Variants in ATG9B observed in about 807,000 individuals in gnomAD.
ATG9B encodes the protein autophagy-related protein 9B.
A neutral mutation model predicts 92.9 loss-of-function variants in ATG9B; 92 were observed. The ratio of observed to expected loss-of-function variants is 0.99; its 90% CI spans 0.84 to 1.18. The LOEUF is 1.18. ATG9B is among the 50% of genes most tolerant of loss of function. ATG9B has a pLI of 0.00. For synonymous variants in ATG9B, 599 were observed against 551.4 expected, an observed-to-expected ratio of 1.09 and a Z score of -1.21; for missense variants, 1,344 against 1,235.0, an observed-to-expected ratio of 1.09 and a Z score of -1.32.
In ATG9B at chr7:151,016,838, A is replaced by AG. The variant is rs1795511896; in HGVS notation, c.2290-18dup. ...GGCCTCAGGCTGGGTGCAAGAGGAG[A>AG]GGGAAAGCCAAAGAGGGAGTCAGAA... On this transcript the variant is annotated splice_polypyrimidine_tract_variant and intron_variant, in intron 9 of 13. Transcript: ENST00000639579. 3.8e-6 allele frequency: 6 copies of AG among 1,592,632 alleles called. No homozygotes were observed. In the South Asian group the frequency reaches 6.9e-5, roughly 18 times the overall value.
intron 4 of ATG9B, 30 bp downstream of exon 4, chr7:151,023,014 AC>A (rs540648802): frequency 1.5e-4 from 238 of 1,613,382 alleles, no homozygotes; most frequent in East Asian, 1.4e-3. Flanking sequence ...CCCATGCTTC[AC>A]CCCCAGGGCC....
In ATG9B at chr7:151,024,299, C is replaced by A; in HGVS notation, c.125G>T (p.Gly42Val). ...LPPPPPPSCR[G>V]PGGGRISIFS... The stretch of plus-strand genomic sequence containing the variant: ...GATGGAGATCCTCCCTCCCCCAGGT[C>A]CCCGGCATGAAGGAGGAGGAGGAGG... Residue 42 changes from glycine (G) to valine (V), a missense_variant, in exon 1 of 14, where the codon GGA (glycine) becomes GTA (valine). Gly to Val is a moderately radical substitution (Grantham distance 109). Transcript: ENST00000639579. The A allele has an allele frequency of 7.0e-7, 1 of 1,426,328 alleles. No individual in the cohort carries two copies. The allele number at this position is 1,426,328 out of a possible 1,614,324, so 88.4% of individuals were successfully genotyped here.
intron 1 of ATG9B, 64 bp from the exon 2 acceptor site, chr7:151,023,794 C>T (rs1400082978): frequency 9.3e-6 from 15 of 1,612,698 alleles, no homozygotes; most frequent in Non-Finnish European, 9.3e-6. Flanking sequence ...TCTCAACCCG[C>T]TGCCAGAGGC....
rs780325907 is a variant in ATG9B at position 151,018,349 on chromosome 7, G to A, written c.1817C>T (p.Pro606Leu). ...HMHYLPEEPG[P>L]GGRDRAYRQM... ...CCGGTAGGCGCGGTCCCTGCCGCCG[G>A]GGCCGGGCTCCTCCGGGAGGTAGTG... Residue 606 changes from proline to leucine, a missense_variant, in exon 7 of 14, where the codon CCC (proline) becomes CTC (leucine). Physicochemically the swap from Pro to Leu is moderately conservative, Grantham distance 98 (BLOSUM62 -3). Coordinates refer to ENST00000639579, the MANE Select transcript of ATG9B (RefSeq NM_001317056.2). The surrounding 1 kb of genome is among the most constrained non-coding windows in gnomAD (Gnocchi z 4.7). The A allele has an allele frequency of 7.8e-5, 125 of 1,597,832 alleles. No individual in the cohort carries two copies. The highest frequency in any genetic ancestry group is 1.0e-4 in the Non-Finnish European group (120 of 1,174,286).
intron 3 of ATG9B, 94 bp from the exon 4 acceptor site, chr7:151,023,300 C>T (rs1263331432): frequency 6.3e-7 from 1 of 1,598,982 alleles, no homozygotes. Context: ...CCATGGTTAT[C>T]CTCCCTGACC....
At chr7:151,023,755 G>GC in intron 1 of ATG9B, 25 bp from the exon 2 acceptor site, 7 of 1,613,838 alleles carry the variant, frequency 4.3e-6, no homozygotes, top group Non-Finnish European at 5.9e-6. Flanking sequence ...GAGAGTGTCA[G>GC]CCCCTGGCAT....
intron 10 of ATG9B, 56 bp from the exon 11 acceptor site, chr7:151,016,583 G>A (rs1260220818): frequency 6.5e-7 from 1 of 1,545,096 alleles, no homozygotes; most frequent in Non-Finnish European, 8.7e-7. Context: ...CCACACCCCA[G>A]AGGACTCCCC....
In ATG9B at chr7:151,018,831, GGC is replaced by G. The variant is rs1273652431; in HGVS notation, c.1505_1506del (p.Arg502ProfsTer190). The stretch of plus-strand genomic sequence containing the variant: ...GCGGCGGGGCGGTAGGCGCGGGCCA[GGC>G]GCGCGCGCAGCTCGTGCGGCAGCTC... ...FNELPHELRARLARAYRPAAA... is the reference protein window; with the variant it reads ...FNELPHELRAXLARAYRPAAA... On this transcript the variant is annotated frameshift_variant, in exon 6 of 14. Coordinates refer to ENST00000639579, the MANE Select transcript of ATG9B (RefSeq NM_001317056.2). LOFTEE classifies it high-confidence loss of function. This position sits in a 1 kb window ranked among gnomAD's most constrained non-coding sequence, Gnocchi z 4.7. 13 of 1,294,612 alleles carry G rather than the reference GGC, an allele frequency of 1.0e-5. No homozygotes were observed. Among genetic ancestry groups the G allele is most frequent in the Non-Finnish European group, 1.2e-5 (12 of 1,025,228 alleles). The allele number at this position is 1,294,612 out of a possible 1,614,324, so 80.2% of individuals were successfully genotyped here.
In ATG9B at chr7:151,019,376, T is replaced by C. The variant is rs749992486; in HGVS notation, c.964-2A>G. The C allele has an allele frequency of 3.0e-5, 46 of 1,515,150 alleles. No homozygotes were observed. The Admixed American group carries it at 9.4e-4, about 31-fold the overall frequency. 93.9% of individuals were successfully genotyped at this position (1,515,150 alleles called of 1,614,324 possible). A position where few individuals can be genotyped will look rare whatever the true frequency, so the allele number is the denominator to read the frequency against. ...CCAGGGAACCGAGCTCAGCTCCTCC[T>C]GAAAGGGGCACTGATGAGAGCCAGC... On this transcript the variant is annotated splice_acceptor_variant, in intron 5 of 13. Transcript: ENST00000639579. LOFTEE classifies it high-confidence loss of function.
chr7:151,013,302 G>A (rs1795347601), downstream of ATG9B: 1 of 1,614,108 alleles, frequency 6.2e-7, no homozygotes, highest in South Asian at 1.1e-5. Flanking sequence ...CTACCGCGAC[G>A]AGGTGCAGAA....
At chr7:151,019,778 T>C (rs113737604) in intron 5 of ATG9B, 2,619 of 169,594 alleles carry the variant, frequency 0.015, 74 homozygotes, top group African/African-American at 0.058. Context: ...TCCCAGCACT[T>C]TGGGAGGCTG....
chr7:151,012,211 G>GTGGTTTGTTTTTTTTTTTT, downstream of ATG9B: 1 of 689,920 alleles, frequency 1.4e-6, no homozygotes, highest in Non-Finnish European at 2.3e-6. Flanking sequence ...AAGTAGAGTT[G>GTGGTTTGTTTTTTTTTTTT]TTTTTTGTTT....
Position 151,023,724 on chromosome 7 carries a change from C to A in ATG9B, c.557G>T (p.Trp186Leu), listed in dbSNP as rs1795838046. 4.3e-6 allele frequency: 7 copies of A among 1,614,044 alleles called. No homozygotes were observed. Among genetic ancestry groups the A allele is most frequent in the Non-Finnish European group, 5.1e-6 (6 of 1,180,016 alleles). Residue 186 changes from tryptophan to leucine, a missense_variant, in exon 2 of 14, where the codon TGG becomes TTG. Physicochemically the swap from Trp to Leu is moderately conservative, Grantham distance 61 (BLOSUM62 -2). Transcript: ENST00000639579. ...ACTGTCCAGGTTCTGGATGTGATGC[C>A]AGGAGCCTGGGCACAGAGGGGAGAG... The part of the protein sequence containing the change: ...LHVPEGLRGS[W>L]HHIQNLDSFF...
In ATG9B at chr7:151,023,423, G is replaced by A. The variant is rs754237163; in HGVS notation, c.659+22C>T. 121 of 1,612,032 alleles carry A rather than the reference G, an allele frequency of 7.5e-5. 1 individual carries two copies. Among genetic ancestry groups the A allele is most frequent in the South Asian group, 9.9e-5 (9 of 90,822 alleles). Reference sequence around the variant, plus strand: ...CCATGGGCCCAGGGGACCGAGTTCCGGGCCCGGGCTAAGCGTCTCACCCCA... The same window carrying A: ...CCATGGGCCCAGGGGACCGAGTTCCAGGCCCGGGCTAAGCGTCTCACCCCA... On this transcript the variant is annotated intron_variant, in intron 3 of 13. Transcript: ENST00000639579.
At position 151,017,063 on chromosome 7, in the gene ATG9B, C is replaced by G. The variant is rs1219513731; in HGVS notation, c.2262G>C (p.Gly754=). The change falls in exon 9 of 14, where the codon GGG becomes GGC. Residue 754 remains glycine, a synonymous_variant. Transcript: ENST00000639579. ...GGGGCGAGGTGCAGTTGCTGAGCAC[C>G]CCCGGGGTGGAGGGGCCGCGAGCCG... is the stretch of plus-strand genomic sequence containing the variant. The part of the protein sequence containing the change: ...ATSARGPSTP[G]VLSNCTSPLP... 2 of 1,601,830 alleles carry G rather than the reference C, an allele frequency of 1.2e-6. No individual in the cohort carries two copies. Among genetic ancestry groups the G allele is most frequent in the African/African-American group, 2.7e-5 (2 of 74,668 alleles).
downstream of ATG9B, chr7:151,012,996 C>G (rs958995034): frequency 5.5e-6 from 3 of 546,296 alleles, no homozygotes; most frequent in Admixed American, 1.1e-4. Context: ...CGCATTCTAG[C>G]GCAGCTCCAC....
intron 11 of ATG9B, 41 bp downstream of exon 11, chr7:151,016,390 C>A: frequency 6.5e-7 from 1 of 1,542,288 alleles, no homozygotes. Context: ...TGTTCACCTG[C>A]CTTCTCTCCA....
downstream of ATG9B, chr7:151,013,324 G>A (rs759024532): frequency 1.9e-6 from 3 of 1,613,914 alleles, no homozygotes; most frequent in African/African-American, 1.3e-5. Context: ...GCCCAGCAGC[G>A]CGGGGTGTTT....
downstream of ATG9B, chr7:151,013,995 T>C (rs376131386): frequency 4.3e-6 from 7 of 1,611,316 alleles, no homozygotes; most frequent in African/African-American, 9.3e-5. Context: ...TCCACTGTGC[T>C]CTTTTCCGAC....
Sources: gnomAD v4.1 joint callset for allele counts on GRCh38, gnomAD v4.1.1 for gene constraint, Gnocchi (gnomAD v3.1) non-coding constraint, MANE v1.5 for transcripts, NCBI Gene and HGNC (gene_info 2026-07-23, HGNC 2026-07-21) for gene names.